Variants in DRC8 observed in about 807,000 individuals in gnomAD.
DRC8 encodes the protein dynein regulatory complex subunit 8.
the DRC8 span, among the ~76,000 whole-genome samples, chr1:245,065,519 C>A: frequency 6.6e-6 from 1 of 152,060 alleles, no homozygotes; most frequent in Non-Finnish European, 1.5e-5. Context: ...TAAATAGCAT[C>A]CTGTTCTTGT....
At chr1:244,978,323 G>A in the DRC8 span, among the ~76,000 whole-genome samples, 40 of 152,076 alleles carry the variant, frequency 2.6e-4, no homozygotes, top group African/African-American at 7.2e-4. Flanking sequence ...GGAAAACCCC[G>A]TCTCTATTAA....
chr1:245,118,284 T>C, the DRC8 span, among the ~76,000 whole-genome samples: 2 of 152,136 alleles, frequency 1.3e-5, no homozygotes, highest in Non-Finnish European at 2.9e-5. Flanking sequence ...TCAGTAAATC[T>C]TGAAGGACAG....
the DRC8 span, among the ~76,000 whole-genome samples, chr1:245,093,032 T>A: frequency 4.6e-5 from 7 of 152,148 alleles, no homozygotes; most frequent in African/African-American, 1.4e-4. Flanking sequence ...AAATAATTAT[T>A]TACAGAAAGC....
At chr1:245,111,116 C>T in the DRC8 span, among the ~76,000 whole-genome samples, 5 of 152,160 alleles carry the variant, frequency 3.3e-5, no homozygotes, top group East Asian at 7.7e-4. Context: ...GCATGCTTTG[C>T]TGTTAAAAAT....
the DRC8 span, among the ~76,000 whole-genome samples, chr1:244,985,182 C>T: frequency 6.7e-6 from 1 of 149,260 alleles, no homozygotes; most frequent in Non-Finnish European, 1.5e-5. Flanking sequence ...TTTGTTGTTC[C>T]TGTAATGAAA....
the DRC8 span, among the ~76,000 whole-genome samples, chr1:245,043,237 G>C: frequency 7.9e-5 from 12 of 152,096 alleles, no homozygotes; most frequent in African/African-American, 2.2e-4. Context: ...TTTGAGATCA[G>C]CCTGGCCAGC....
At chr1:245,123,596 T>C in the DRC8 span, 1 of 153,248 alleles carries the variant, frequency 6.5e-6, no homozygotes, top group East Asian at 1.9e-4. The surrounding 1 kb of genome is among the most constrained non-coding windows in gnomAD (Gnocchi z 5.0). Context: ...TCCTCCAAGT[T>C]TTCAGCAGTG....
chr1:245,030,828 A>C, the DRC8 span: 3 of 152,390 alleles, frequency 2.0e-5, no homozygotes, highest in Admixed American at 6.5e-5. Flanking sequence ...ACTCCCAAGG[A>C]AAAAAGAAGA....
the DRC8 span, among the ~76,000 whole-genome samples, chr1:245,010,505 A>G: frequency 0.22 from 33,662 of 151,856 alleles, 4,081 homozygotes; most frequent in African/African-American, 0.32. Flanking sequence ...GCAGAACAGG[A>G]GGCCTGCCAT....
the DRC8 span, among the ~76,000 whole-genome samples, chr1:245,092,277 CA>C: frequency 8.5e-5 from 13 of 152,232 alleles, no homozygotes; most frequent in African/African-American, 2.7e-4. Flanking sequence ...TCCAAGATAG[CA>C]GGCTAGTTGG....
chr1:245,047,896 A>G, the DRC8 span, among the ~76,000 whole-genome samples: 4 of 146,732 alleles, frequency 2.7e-5, no homozygotes, highest in South Asian at 8.7e-4. Context: ...AATCGCTTGA[A>G]CCCCAGAGGC....
At chr1:244,985,741 G>A in the DRC8 span, among the ~76,000 whole-genome samples, 1 of 151,640 alleles carries the variant, frequency 6.6e-6, no homozygotes, top group Non-Finnish European at 1.5e-5. Flanking sequence ...GCACACACCT[G>A]TAATCTGAGC....
chr1:245,074,304 A>G, the DRC8 span, among the ~76,000 whole-genome samples: 2 of 152,236 alleles, frequency 1.3e-5, no homozygotes, highest in African/African-American at 4.8e-5. Flanking sequence ...GTTGAAGAGT[A>G]TCTTAGTGAG....
At chr1:245,069,477 T>C in the DRC8 span, among the ~76,000 whole-genome samples, 1 of 152,070 alleles carries the variant, frequency 6.6e-6, no homozygotes, top group African/African-American at 2.4e-5. Flanking sequence ...AGAAAATCCA[T>C]GGAGAAGTGG....
the DRC8 span, among the ~76,000 whole-genome samples, chr1:245,019,485 G>A: frequency 2.0e-5 from 3 of 152,108 alleles, no homozygotes; most frequent in Admixed American, 2.0e-4. Flanking sequence ...TTGAACTCCT[G>A]AAGTGATCCT....
At chr1:244,991,791 G>C in the DRC8 span, among the ~76,000 whole-genome samples, 1 of 152,124 alleles carries the variant, frequency 6.6e-6, no homozygotes, top group Non-Finnish European at 1.5e-5. Context: ...TATTCACAAG[G>C]AAACTTTTTT....
chr1:245,017,432 G>A, the DRC8 span: 2 of 1,128,468 alleles, frequency 1.8e-6, no homozygotes, highest in Non-Finnish European at 2.4e-6. Context: ...GATTTATTAT[G>A]CTCTTTTAAG....
chr1:245,014,038 A>AG, the DRC8 span, among the ~76,000 whole-genome samples: 2 of 148,652 alleles, frequency 1.3e-5, no homozygotes, highest in African/African-American at 5.0e-5. Flanking sequence ...TCTCAAAAAA[A>AG]AAAAAAAAAA....
At chr1:245,095,169 T>C in the DRC8 span, among the ~76,000 whole-genome samples, 4 of 152,192 alleles carry the variant, frequency 2.6e-5, no homozygotes, top group Non-Finnish European at 5.9e-5. Context: ...AGGGGATGGC[T>C]TTGCACTGGC....
Sources: gnomAD v4.1 joint callset for allele counts (sites outside exome capture counted in the v4.1 genomes callset) on GRCh38, gnomAD v4.1.1 for gene constraint, Gnocchi (gnomAD v3.1) non-coding constraint, MANE v1.5 for transcripts, NCBI Gene and HGNC (gene_info 2026-07-23, HGNC 2026-07-21) for gene names.